Variants in SMIM22 observed in about 807,000 individuals in gnomAD.
The protein encoded by SMIM22 is cancer associated small integral membrane open reading frame 1.
SMIM22 carries 16 observed loss-of-function variants against 8.4 expected under a neutral mutation model. The observed-to-expected ratio is 1.90, with a 90% CI of 1.29 to 2.89. SMIM22 has a LOEUF of 2.89. SMIM22 is among the 30% of genes most tolerant of loss of function. The pLI, the probability that SMIM22 is intolerant of heterozygous loss-of-function variation, is 0.00. For missense variants in SMIM22, 159 were observed against 107.5 expected (o/e 1.48, Z -2.12); for synonymous variants, 67 against 47.6 (o/e 1.41, Z -1.68).
chr16:4,796,213 C>G lies in SMIM22; in HGVS notation c.249C>G (p.Asn83Lys). 1 of 1,535,994 alleles carries G rather than the reference C, an allele frequency of 6.5e-7. No homozygotes were observed. The highest frequency in any genetic ancestry group is 8.7e-7 in the Non-Finnish European group (1 of 1,146,864). Reference protein sequence around the residue: ...PWKERPKGVDNLALEP With the variant: ...PWKERPKGVDKLALEP ...AGGAAAGACCCAAGGGAGTGGATAA[C>G]TTGGCCCTGGAACCCTGACCCTGTG... The change falls in exon 4 of 4, where the codon AAC (asparagine) becomes AAG (lysine). Residue 83 changes from asparagine (N) to lysine (K), a missense_variant. Asn to Lys is a moderately conservative substitution (Grantham distance 94). Transcript: ENST00000586005.
Position 4,796,023 on chromosome 16 carries a change from GC to G in SMIM22, c.204del (p.Arg69GlyfsTer3). ...CCSSPGPRRE[S>X]PRKVSPWKER... is the part of the protein sequence containing the mutation. ...AGCTCCCCCGGGCCCCGCAGGGAAA[GC>G]CCCAGGAAGGTGAGCCCCTGGAAGG... On this transcript the variant is annotated frameshift_variant, in exon 3 of 4. Transcript: ENST00000586005. LOFTEE classifies it high-confidence loss of function. The G allele has an allele frequency of 6.6e-7, 1 of 1,523,418 alleles. No individual in the cohort carries two copies. Among genetic ancestry groups the G allele is most frequent in the African/African-American group, 1.4e-5 (1 of 72,832 alleles). The allele number at this position is 1,523,418 out of a possible 1,614,324, so 94.4% of individuals were successfully genotyped here. A position where few individuals can be genotyped will look rare whatever the true frequency, so the allele number is the denominator to read the frequency against.
At chr16:4,793,233 G>A (rs531067874), upstream of SMIM22, among the ~76,000 whole-genome samples, 3 of 152,050 alleles carry the variant, frequency 2.0e-5, no homozygotes, top group African/African-American at 7.2e-5. Flanking sequence ...CCCTCTAGAA[G>A]CTGGACAAGG....
upstream of SMIM22, among the ~76,000 whole-genome samples, chr16:4,791,370 C>A (rs374586112): frequency 6.6e-6 from 1 of 152,176 alleles, no homozygotes; most frequent in Non-Finnish European, 1.5e-5. Flanking sequence ...CACGTCAACA[C>A]GGCGATAATA....
intron 2 of SMIM22, chr16:4,790,060 A>G (rs1212967492): frequency 6.6e-6 from 1 of 151,812 alleles, no homozygotes; most frequent in Non-Finnish European, 1.5e-5. Context: ...GACTTCAGGT[A>G]CGTAGACCAT....
chr16:4,796,013 C>T lies in SMIM22; in HGVS notation c.190C>T (p.Arg64Cys), dbSNP rs769613371. 1.4e-5 allele frequency: 21 copies of T among 1,516,008 alleles called. No homozygotes were observed. The highest frequency in any genetic ancestry group is 6.2e-5 in the South Asian group (5 of 80,960). The allele number at this position is 1,516,008 out of a possible 1,614,324, so 93.9% of individuals were successfully genotyped here. A position where few individuals can be genotyped will look rare whatever the true frequency, so the allele number is the denominator to read the frequency against. ...CTGCTGCTGCAGCTCCCCCGGGCCCCGCAGGGAAAGCCCCAGGAAGGTGAG... is the reference window on the plus strand; with the variant it reads ...CTGCTGCTGCAGCTCCCCCGGGCCCTGCAGGGAAAGCCCCAGGAAGGTGAG... Reference protein sequence around the residue: ...HCCCCSSPGPRRESPRKVSPW... With the variant: ...HCCCCSSPGPCRESPRKVSPW... The change falls in exon 3 of 4, where the codon CGC becomes TGC. Residue 64 changes from arginine to cysteine, a missense_variant. Coordinates refer to ENST00000586005, the MANE Select transcript of SMIM22 (RefSeq NM_001253794.2).
In SMIM22 at chr16:4,796,443, C is replaced by A. The variant is rs139374328; in HGVS notation, c.*212C>A. 7.8e-4 allele frequency: 476 copies of A among 607,780 alleles called. 2 individuals carry two copies. Among genetic ancestry groups the A allele is most frequent in the African/African-American group, 7.6e-3 (410 of 54,056 alleles). The allele number at this position is 607,780 out of a possible 1,614,324, so 37.6% of individuals were successfully genotyped here. ...GGAGGGGAGCTGGTCTCAGGCCGGGCGCGGTGGCTCACACCTATAATCCCA... is the reference window on the plus strand; with the variant it reads ...GGAGGGGAGCTGGTCTCAGGCCGGGAGCGGTGGCTCACACCTATAATCCCA... On this transcript the variant is annotated 3_prime_UTR_variant, in exon 4 of 4. Coordinates refer to ENST00000586005, the MANE Select transcript of SMIM22 (RefSeq NM_001253794.2).
At chr16:4,794,422 A>G (rs1596269532), upstream of SMIM22, among the ~76,000 whole-genome samples, 1 of 130,752 alleles carries the variant, frequency 7.6e-6, no homozygotes, top group Admixed American at 7.9e-5. Context: ...TTGTATTTTT[A>G]TCTTTTTTTT....
At chr16:4,790,936 C>G (rs2082541323), upstream of SMIM22, among the ~76,000 whole-genome samples, 1 of 152,214 alleles carries the variant, frequency 6.6e-6, no homozygotes, top group Non-Finnish European at 1.5e-5. Flanking sequence ...ATCTTGAAAA[C>G]CACAATTCCA....
chr16:4,795,634 G>A, intron 1 of SMIM22, 81 bp from the exon 2 acceptor site: 1 of 1,468,336 alleles, frequency 6.8e-7, no homozygotes, highest in East Asian at 2.5e-5. Flanking sequence ...GCGGGCAGTG[G>A]CTGGGCTGTG....
intron 2 of SMIM22, among the ~76,000 whole-genome samples, chr16:4,789,350 G>C (rs1485795358): frequency 6.7e-6 from 1 of 148,496 alleles, no homozygotes; most frequent in African/African-American, 2.5e-5. Context: ...TTTTGAGACG[G>C]AGTCTCGCTC....
At chr16:4,792,230 G>T (rs909998866), upstream of SMIM22, among the ~76,000 whole-genome samples, 5 of 150,382 alleles carry the variant, frequency 3.3e-5, no homozygotes, top group Non-Finnish European at 4.4e-5. Flanking sequence ...TCGCTCTGTC[G>T]CCCAGGCTGG....
Position 4,795,830 on chromosome 16 carries a change from T to G in SMIM22, c.96T>G (p.Val32=). ...TTTTCCAGTCCACATGGGACACTGT[T>G]GCCTTCATTGTTTTCCTCACCTTCA... ...HQFFQSTWDT[V]AFIVFLTFMG... Residue 32 remains valine (V), a synonymous_variant, in exon 2 of 4, where the codon GTT becomes GTG. Coordinates refer to ENST00000586005, the MANE Select transcript of SMIM22 (RefSeq NM_001253794.2). 6.5e-7 allele frequency: 1 copy of G among 1,535,926 alleles called. No homozygotes were observed. Among genetic ancestry groups the G allele is most frequent in the Non-Finnish European group, 8.7e-7 (1 of 1,146,768 alleles).
At position 4,795,856 on chromosome 16, in the gene SMIM22, TG is replaced by T. The variant is rs756665701; in HGVS notation, c.124+1del. The T allele has an allele frequency of 5.9e-6, 9 of 1,535,852 alleles. No individual in the cohort carries two copies. Among genetic ancestry groups the T allele is most frequent in the South Asian group, 4.8e-5 (4 of 84,060 alleles). ...TVAFIVFLTF[M>X]GTVLLLLLLV... Reference sequence around the variant, plus strand: ...GCCTTCATTGTTTTCCTCACCTTCATGGGTAAGTGTGGCTGTGGCCTCTGGG... The same window carrying T: ...GCCTTCATTGTTTTCCTCACCTTCATGGTAAGTGTGGCTGTGGCCTCTGGG... On this transcript the variant is annotated frameshift_variant and splice_region_variant, in exon 2 of 4. Coordinates refer to ENST00000586005, the MANE Select transcript of SMIM22 (RefSeq NM_001253794.2). LOFTEE classifies it high-confidence loss of function.
At chr16:4,788,501 A>G (rs563585822) in exon 1 of SMIM22, 2 of 152,294 alleles carry the variant, frequency 1.3e-5, no homozygotes, top group African/African-American at 4.8e-5. Flanking sequence ...AATAATCCCC[A>G]AGTAGAACCA....
chr16:4,792,020 G>A (rs2082558241), upstream of SMIM22, among the ~76,000 whole-genome samples: 1 of 151,688 alleles, frequency 6.6e-6, no homozygotes, highest in South Asian at 2.1e-4. Flanking sequence ...GTGGTTTCCA[G>A]ATCTTCTTTA....
chr16:4,791,274 G>A (rs765066020), upstream of SMIM22, among the ~76,000 whole-genome samples: 23 of 152,170 alleles, frequency 1.5e-4, no homozygotes, highest in Non-Finnish European at 2.8e-4. Flanking sequence ...AGGTGCTCCC[G>A]GTGGTGTTGA....
At chr16:4,790,005 C>T (rs2082527032) in intron 2 of SMIM22, 1 of 151,426 alleles carries the variant, frequency 6.6e-6, no homozygotes, top group Non-Finnish European at 1.5e-5. Flanking sequence ...GCCTCGACTT[C>T]CTGGGTTCAA....
At chr16:4,789,577 C>T (rs767765682) in intron 2 of SMIM22, among the ~76,000 whole-genome samples, 1 of 152,124 alleles carries the variant, frequency 6.6e-6, no homozygotes, top group Non-Finnish European at 1.5e-5. Context: ...CTGCCCTCCT[C>T]GGCCTCCCAA....
chr16:4,789,120 G>T (rs757151938), intron 2 of SMIM22, among the ~76,000 whole-genome samples: 1 of 152,158 alleles, frequency 6.6e-6, no homozygotes, highest in Non-Finnish European at 1.5e-5. Context: ...CTGGGTTCAA[G>T]CAATTCTCTT....
Sources: gnomAD v4.1 joint callset for allele counts (sites outside exome capture counted in the v4.1 genomes callset) on GRCh38, gnomAD v4.1.1 for gene constraint, MANE v1.5 for transcripts, NCBI Gene and HGNC (gene_info 2026-07-23, HGNC 2026-07-21) for gene names.